WFDC1: variants seen among roughly 807,000 people sequenced by gnomAD.
The protein encoded by WFDC1 is WAP four-disulfide core domain protein 1.
Under a neutral mutation model 32.9 loss-of-function variants are expected in WFDC1, and 39 were observed. The ratio of observed to expected loss-of-function variants is 1.19; its 90% confidence interval spans 0.92 to 1.55. The LOEUF is 1.55. Ranked by LOEUF, WFDC1 falls within the 40% of genes most tolerant of loss-of-function variation. The probability of loss-of-function intolerance (pLI) is 0.00; values close to 1 mark genes in which losing one functional copy is unlikely to be tolerated. For synonymous variants in WFDC1, 184 were observed against 137.4 expected (o/e 1.34, Z -2.37); for missense variants, 386 against 309.5 (o/e 1.25, Z -1.85).
intron 1 of WFDC1, among the ~76,000 whole-genome samples, chr16:84,311,981 C>T (rs866847205): frequency 4.6e-5 from 7 of 152,084 alleles, no homozygotes; most frequent in Non-Finnish European, 8.8e-5. Context: ...GCCTGGCCAA[C>T]ATGTAGAAAC....
chr16:84,296,199 T>A (rs990756053), intron 1 of WFDC1, among the ~76,000 whole-genome samples: 5 of 152,218 alleles, frequency 3.3e-5, no homozygotes, highest in Non-Finnish European at 7.3e-5. Context: ...GAGGATTGAA[T>A]GTCTCAGTAT....
intron 1 of WFDC1, 30 bp downstream of exon 1, chr16:84,295,145 A>G (rs767410570): frequency 1.9e-6 from 3 of 1,610,464 alleles, no homozygotes; most frequent in Admixed American, 1.7e-5. Flanking sequence ...AGGCTGGGGC[A>G]GCCTGTGTGG....
intron 1 of WFDC1, among the ~76,000 whole-genome samples, chr16:84,310,087 G>A (rs1907522336): frequency 6.6e-6 from 1 of 152,116 alleles, no homozygotes; most frequent in South Asian, 2.1e-4. Flanking sequence ...TGTGCAGGAG[G>A]AGACACAGGA....
At chr16:84,317,079 G>A (rs1318344742) in intron 2 of WFDC1, 1 of 151,568 alleles carries the variant, frequency 6.6e-6, no homozygotes, top group African/African-American at 2.4e-5. Flanking sequence ...GATCACTTGA[G>A]GCCAGGAGTT....
At chr16:84,315,400 A>G (rs1907890631) in intron 2 of WFDC1, among the ~76,000 whole-genome samples, 1 of 152,230 alleles carries the variant, frequency 6.6e-6, no homozygotes, top group Non-Finnish European at 1.5e-5. Flanking sequence ...CCCACAGGGC[A>G]GGGAGTTTGT....
intron 2 of WFDC1, chr16:84,316,342 A>G (rs908545335): frequency 1.3e-5 from 2 of 152,148 alleles, no homozygotes; most frequent in Non-Finnish European, 1.5e-5. Context: ...GATGCTAATT[A>G]TTTTTCTATT....
chr16:84,318,425 G>C (rs1300603248), intron 3 of WFDC1, 70 bp downstream of exon 3: 9 of 1,508,670 alleles, frequency 6.0e-6, no homozygotes, highest in Non-Finnish European at 7.3e-6. Context: ...CTTCCAGAAA[G>C]CTGGCAGCAC....
chr16:84,294,898 C>A lies in WFDC1; in HGVS notation c.-74C>A. On this transcript the variant is annotated 5_prime_UTR_variant, in exon 1 of 7. Transcript: ENST00000219454. The stretch of plus-strand genomic sequence containing the variant: ...CCAGCAGACTGTGCACGCTCCTGTC[C>A]CCACTCACAGGCCCACGCAGCGAGG... The A allele has an allele frequency of 2.6e-6, 4 of 1,561,226 alleles. No individual in the cohort carries two copies. The highest frequency in any genetic ancestry group is 3.5e-6 in the Non-Finnish European group (4 of 1,154,560).
At chr16:84,323,654 C>T (rs561356785) in intron 4 of WFDC1, among the ~76,000 whole-genome samples, 1 of 152,204 alleles carries the variant, frequency 6.6e-6, no homozygotes, top group African/African-American at 2.4e-5. Context: ...AACTGAGGCT[C>T]AAAGAGGACG....
At chr16:84,312,317 C>T (rs1459827007) in intron 1 of WFDC1, among the ~76,000 whole-genome samples, 1 of 152,194 alleles carries the variant, frequency 6.6e-6, no homozygotes, top group Non-Finnish European at 1.5e-5. Flanking sequence ...CACGTGTTCC[C>T]AGCCAGTCAC....
At chr16:84,325,430 T>C (rs141077891) in intron 5 of WFDC1, among the ~76,000 whole-genome samples, 4,579 of 152,172 alleles carry the variant, frequency 0.03, 104 homozygotes, top group Admixed American at 0.075. Flanking sequence ...CTTAAACTCC[T>C]GACCTCAGGT....
chr16:84,305,380 G>T (rs1248321917), intron 1 of WFDC1, among the ~76,000 whole-genome samples: 4 of 152,202 alleles, frequency 2.6e-5, no homozygotes, highest in African/African-American at 9.7e-5. Context: ...GCACATGCTG[G>T]GTGGCTGTTT....
At chr16:84,312,600 A>ACATACATG (rs1369418358) in intron 1 of WFDC1, among the ~76,000 whole-genome samples, 27 of 152,316 alleles carry the variant, frequency 1.8e-4, no homozygotes, top group Admixed American at 1.3e-4. Flanking sequence ...ACGTATATGT[A>ACATACATG]TACATGCAGA....
At chr16:84,314,596 A>T (rs1445104214) in intron 2 of WFDC1, among the ~76,000 whole-genome samples, 1 of 152,112 alleles carries the variant, frequency 6.6e-6, no homozygotes, top group Non-Finnish European at 1.5e-5. Flanking sequence ...ATGACAGGGG[A>T]CTCAGCACAC....
rs368890386 is a variant in WFDC1 at position 84,304,447 on chromosome 16, C to G, written c.145-8514C>G. Among the ~76,000 whole-genome samples, 11 of 152,132 alleles carry G rather than the reference C, an allele frequency of 7.2e-5. No homozygotes were observed. In the East Asian group the frequency reaches 1.7e-3, roughly 24 times the overall value. ...TTCACCATATTGGCCAGGCTGGTCTCGAACTCCTGACCTCAGGTGATCCAC... is the reference window on the plus strand; with the variant it reads ...TTCACCATATTGGCCAGGCTGGTCTGGAACTCCTGACCTCAGGTGATCCAC... On this transcript the variant is annotated intron_variant, in intron 1 of 6. Coordinates refer to ENST00000219454, the MANE Select transcript of WFDC1 (RefSeq NM_021197.4).
chr16:84,302,487 C>T (rs529273764), intron 1 of WFDC1, among the ~76,000 whole-genome samples: 3 of 152,298 alleles, frequency 2.0e-5, no homozygotes, highest in African/African-American at 7.2e-5. Context: ...CACCGAGAGG[C>T]AGCCTCTCAG....
intron 2 of WFDC1, among the ~76,000 whole-genome samples, chr16:84,314,254 G>T (rs1034806393): frequency 6.6e-6 from 1 of 152,172 alleles, no homozygotes; most frequent in African/African-American, 2.4e-5. Flanking sequence ...GGTTTGGGAA[G>T]GGAAGGAGGT....
At chr16:84,325,356 C>A (rs36043091) in intron 5 of WFDC1, among the ~76,000 whole-genome samples, 1 of 152,070 alleles carries the variant, frequency 6.6e-6, no homozygotes, top group Admixed American at 6.6e-5. Context: ...GTGTCCGCCA[C>A]CATACCTGGA....
intron 5 of WFDC1, chr16:84,326,039 C>G (rs1908574047): frequency 1.7e-4 from 1 of 5,794 alleles, no homozygotes; most frequent in Non-Finnish European, 5.6e-3. Context: ...TTCAGCCATC[C>G]AGCCAGCCAC....
Sources: gnomAD v4.1 joint callset for allele counts (sites outside exome capture counted in the v4.1 genomes callset) on GRCh38, gnomAD v4.1.1 for gene constraint, MANE v1.5 for transcripts, NCBI Gene and HGNC (gene_info 2026-07-23, HGNC 2026-07-21) for gene names.